Variants in GRIK2 observed in about 807,000 individuals in gnomAD.
GRIK2 encodes the protein glutamate ionotropic receptor kainate type subunit 2.
In GRIK2, 32 loss-of-function variants were observed where a neutral mutation model predicts 100.3. The ratio of observed to expected loss-of-function variants is 0.32; its 90% CI spans 0.24 to 0.43. The LOEUF is 0.43. Ranked by LOEUF, GRIK2 falls within the 20% of genes least tolerant of loss-of-function variation. The pLI is 1.00. For synonymous variants in GRIK2, 417 were observed against 389.4 expected (o/e 1.07, Z -0.83); for missense variants, 843 against 1,114.9 (o/e 0.76, Z 3.47).
chr6:101,883,998 T>C (rs1396879442), intron 11 of GRIK2, among the ~76,000 whole-genome samples: 2 of 152,070 alleles, frequency 1.3e-5, no homozygotes, highest in South Asian at 2.1e-4. Flanking sequence ...GAGATTCTAG[T>C]TGGGCAAGAA....
intron 14 of GRIK2, among the ~76,000 whole-genome samples, chr6:101,956,859 CA>C (rs1562510128): frequency 6.8e-6 from 1 of 146,826 alleles, no homozygotes; most frequent in East Asian, 2.0e-4. Flanking sequence ...TAGATATATA[CA>C]TATATATATA....
In GRIK2 at chr6:101,909,383, T is replaced by TTGTTTTG. The variant is rs1426689193; in HGVS notation, c.1749-15217_1749-15216insGTTTTGT. 3.2e-3 allele frequency among the ~76,000 whole-genome samples: 427 copies of TTGTTTTG among 133,166 alleles called. 10 individuals are homozygous for TTGTTTTG. Among genetic ancestry groups the TTGTTTTG allele is most frequent in the South Asian group, 0.01 (44 of 4,258 alleles). The allele number at this position is 133,166 out of a possible 152,430, so 87.4% of individuals were successfully genotyped here. On this transcript the variant is annotated intron_variant, in intron 12 of 16. Transcript: ENST00000369134. ...GAAGGAAGATAGGGTTTTCTTTTTC[T>TTGTTTTG]TTTTTTTTTTTTTAAAGATCATTTG...
At chr6:101,492,172 A>G (rs1773161556) in intron 2 of GRIK2, among the ~76,000 whole-genome samples, 1 of 151,944 alleles carries the variant, frequency 6.6e-6, no homozygotes, top group South Asian at 2.1e-4. Flanking sequence ...AAAGTCTTAT[A>G]TCTAGATTAC....
At chr6:101,620,639 G>A (rs1260866626) in intron 2 of GRIK2, among the ~76,000 whole-genome samples, 1 of 152,102 alleles carries the variant, frequency 6.6e-6, no homozygotes, top group Non-Finnish European at 1.5e-5. Flanking sequence ...TGCTAGATGT[G>A]GAATAGCTTA....
intron 7 of GRIK2, among the ~76,000 whole-genome samples, chr6:101,796,265 T>C (rs1257656150): frequency 6.6e-6 from 1 of 152,144 alleles, no homozygotes; most frequent in African/African-American, 2.4e-5. Flanking sequence ...AGGAATTAAT[T>C]TAAGGAGAGT....
intron 2 of GRIK2, among the ~76,000 whole-genome samples, chr6:101,437,695 A>G (rs1393078904): frequency 1.3e-5 from 2 of 152,110 alleles, no homozygotes; most frequent in Non-Finnish European, 2.9e-5. Context: ...TCCCAAAGTG[A>G]CCATCTGTCC....
intron 10 of GRIK2, among the ~76,000 whole-genome samples, chr6:101,822,924 G>A (rs182383691): frequency 7.9e-5 from 12 of 152,086 alleles, no homozygotes; most frequent in Admixed American, 3.3e-4. Context: ...AACACTTATA[G>A]TTTATGATCA....
chr6:101,928,046 C>T (rs1166143112), intron 13 of GRIK2: 2 of 202,558 alleles, frequency 9.9e-6, no homozygotes, highest in Non-Finnish European at 2.0e-5. Context: ...CTGAAACCCT[C>T]ATAACTAACA....
intron 4 of GRIK2, among the ~76,000 whole-genome samples, chr6:101,660,936 G>A (rs960142696): frequency 4.6e-5 from 7 of 152,120 alleles, no homozygotes; most frequent in African/African-American, 1.7e-4. Flanking sequence ...GTGTCTCCCA[G>A]TCAGGAGGCA....
intron 2 of GRIK2, among the ~76,000 whole-genome samples, chr6:101,561,275 T>G (rs982957354): frequency 5.3e-5 from 8 of 151,902 alleles, no homozygotes; most frequent in Non-Finnish European, 1.0e-4. Flanking sequence ...CTTAAAAGGA[T>G]TCCAGTCCAA....
chr6:102,025,647 A>G (rs551417254), intron 14 of GRIK2, among the ~76,000 whole-genome samples: 169 of 151,162 alleles, frequency 1.1e-3, no homozygotes, highest in African/African-American at 3.5e-3. Context: ...AATGATTAAT[A>G]TAATCATCAA....
intron 14 of GRIK2, among the ~76,000 whole-genome samples, chr6:102,023,428 C>G (rs1769533430): frequency 6.6e-6 from 1 of 151,412 alleles, no homozygotes; most frequent in African/African-American, 2.4e-5. Flanking sequence ...GAAGGATTCG[C>G]TGTGGCTTGT....
At chr6:101,763,983 C>T (rs34133340) in intron 7 of GRIK2, among the ~76,000 whole-genome samples, 10,553 of 152,078 alleles carry the variant, frequency 0.069, 505 homozygotes, top group Middle Eastern at 0.11. Flanking sequence ...AAGAGATAAA[C>T]GTTTGTCCTT....
rs141304099 is a variant in GRIK2 at position 102,065,903 on chromosome 6, C to A, written c.2563-2444C>A. 7 of 1,435,902 alleles carry A rather than the reference C, an allele frequency of 4.9e-6. No homozygotes were observed. The African/African-American group carries it at 5.9e-5, about 12-fold the overall frequency. 88.9% of individuals were successfully genotyped at this position (1,435,902 alleles called of 1,614,324 possible). On this transcript the variant is annotated intron_variant, in intron 16 of 16. Coordinates refer to ENST00000369134, the MANE Select transcript of GRIK2 (RefSeq NM_021956.5). ...TCACCATCTTCATCATCATTATCAT[C>A]ATGTTCTTAATAAGTACATCTAATA...
chr6:101,572,926 G>A (rs1777621657), intron 2 of GRIK2, among the ~76,000 whole-genome samples: 2 of 151,636 alleles, frequency 1.3e-5, no homozygotes, highest in Admixed American at 1.3e-4. Context: ...TTGGCTCCCT[G>A]CAACCTCTGC....
intron 2 of GRIK2, among the ~76,000 whole-genome samples, chr6:101,400,700 C>A (rs1156738965): frequency 1.3e-5 from 2 of 152,168 alleles, no homozygotes; most frequent in Non-Finnish European, 1.5e-5. Flanking sequence ...ATAAAATTCA[C>A]CATCTCTCCT....
At chr6:101,699,288 C>T (rs73510670) in intron 7 of GRIK2, among the ~76,000 whole-genome samples, 2,686 of 152,208 alleles carry the variant, frequency 0.018, 58 homozygotes, top group African/African-American at 0.053. Context: ...CTCCTCACAT[C>T]CTGTCTGGTC....
intron 14 of GRIK2, among the ~76,000 whole-genome samples, chr6:102,010,226 C>G (rs1411033496): frequency 6.6e-6 from 1 of 151,936 alleles, no homozygotes; most frequent in Non-Finnish European, 1.5e-5. Context: ...TATTGTTTCA[C>G]TCTTGATATT....
At chr6:101,873,350 G>T (rs529051916) in intron 11 of GRIK2, among the ~76,000 whole-genome samples, 108 of 149,830 alleles carry the variant, frequency 7.2e-4, no homozygotes, top group Non-Finnish European at 1.3e-3. Context: ...GTGGTGTTTG[G>T]TTTTTTGTCC....
Sources: gnomAD v4.1 joint callset for allele counts (sites outside exome capture counted in the v4.1 genomes callset) on GRCh38, gnomAD v4.1.1 for gene constraint, MANE v1.5 for transcripts, NCBI Gene and HGNC (gene_info 2026-07-23, HGNC 2026-07-21) for gene names.